The following NRG3 variants were observed in gnomAD, a reference collection of about 807,000 sequenced individuals.
The protein encoded by NRG3 is pro-neuregulin-3, membrane-bound isoform.
A neutral mutation model predicts 66.9 loss-of-function variants in NRG3; 31 were observed. The observed-to-expected ratio is 0.46, with a 90% CI of 0.35 to 0.63. The LOEUF (loss-of-function observed/expected upper bound fraction) is 0.63. Among genes scored for constraint, NRG3 ranks in the 20% least tolerant of loss-of-function variants. The pLI is 0.00. For synonymous variants in NRG3, 393 were observed against 359.4 expected (o/e 1.09, Z -1.06); for missense variants, 910 against 878.9 (o/e 1.04, Z -0.45).
At chr10:82,905,647 C>G (rs1844662928) in intron 4 of NRG3, among the ~76,000 whole-genome samples, 1 of 152,094 alleles carries the variant, frequency 6.6e-6, no homozygotes. Flanking sequence ...TTGGCTTTTA[C>G]TTTCCTTGCT....
rs116180502 is a variant in NRG3 at position 82,714,880 on chromosome 10, A to G, written c.954-23697A>G. Among the ~76,000 whole-genome samples, 1,421 of 152,362 alleles carry G rather than the reference A, an allele frequency of 9.3e-3. 18 individuals are homozygous for G. The highest frequency in any genetic ancestry group is 0.032 in the African/African-American group (1,314 of 41,578). On this transcript the variant is annotated intron_variant, in intron 2 of 8. Coordinates refer to ENST00000372141, the MANE Select transcript of NRG3 (RefSeq NM_001010848.4). ...TTGATTATTAAAAAGAAGGTAGTGA[A>G]AAATCTATTAACTATGTTTTATATT...
At chr10:82,255,085 G>A (rs2077654067) in intron 1 of NRG3, among the ~76,000 whole-genome samples, 1 of 152,184 alleles carries the variant, frequency 6.6e-6, no homozygotes, top group Admixed American at 6.6e-5. Flanking sequence ...AATCATAAGT[G>A]ATGCTGATAT....
At chr10:82,959,116 C>G in intron 6 of NRG3, 41 bp downstream of exon 6, 1 of 1,526,238 alleles carries the variant, frequency 6.6e-7, no homozygotes, top group East Asian at 2.3e-5. Flanking sequence ...TAGCCTACCT[C>G]AGTGCTTCCA....
At chr10:82,734,405 A>G (rs2058058478) in intron 2 of NRG3, among the ~76,000 whole-genome samples, 1 of 152,194 alleles carries the variant, frequency 6.6e-6, no homozygotes, top group African/African-American at 2.4e-5. Context: ...TTTGAAAGCA[A>G]TGCGGAGTAG....
rs117304164 is a variant in NRG3, at chr10:81,886,480, G to A, written c.823+10317G>A. On this transcript the variant is annotated intron_variant, in intron 1 of 8. Transcript: ENST00000372141. ...TTGACAAAGTTGTGAGAAGTTTAAC[G>A]AGAATATATTTATATATCCATAAGA... is the stretch of plus-strand genomic sequence containing the variant. Among the ~76,000 whole-genome samples the A allele has an allele frequency of 8.9e-3, 1,347 of 152,194 alleles. 13 individuals carry two copies. Among genetic ancestry groups the A allele is most frequent in the Non-Finnish European group, 0.013 (915 of 68,012 alleles).
At chr10:81,886,762 C>G (rs1589352661) in intron 1 of NRG3, among the ~76,000 whole-genome samples, 1 of 151,958 alleles carries the variant, frequency 6.6e-6, no homozygotes, top group South Asian at 2.1e-4. Context: ...TTTTGTTGTA[C>G]TAATTTTAAA....
chr10:82,973,871 G>A lies in NRG3; in HGVS notation c.1368G>A (p.Glu456=), dbSNP rs749230519. The A allele has an allele frequency of 3.1e-6, 5 of 1,614,064 alleles. No individual in the cohort carries two copies. The highest frequency in any genetic ancestry group is 1.3e-5 in the African/African-American group (1 of 75,040). The change falls in exon 7 of 9, where the codon GAG becomes GAA. Residue 456 remains glutamate (E), a synonymous_variant. Coordinates refer to ENST00000372141, the MANE Select transcript of NRG3 (RefSeq NM_001010848.4). Reference sequence around the variant, plus strand: ...TTGTCGGCCCCCAGTCATTCCCTGAGGTCCCTTCTCCTGACAGAGGAAGCC... The same window carrying A: ...TTGTCGGCCCCCAGTCATTCCCTGAAGTCCCTTCTCCTGACAGAGGAAGCC... ...SSFVGPQSFP[E]VPSPDRGSQS...
At chr10:82,819,757 G>A (rs563012656) in intron 3 of NRG3, among the ~76,000 whole-genome samples, 11 of 152,244 alleles carry the variant, frequency 7.2e-5, no homozygotes, top group Middle Eastern at 3.4e-3. Context: ...GAAGGAGAAG[G>A]TTATGTAAGA....
chr10:82,443,395 C>T (rs924138663), intron 2 of NRG3, among the ~76,000 whole-genome samples: 4 of 152,180 alleles, frequency 2.6e-5, no homozygotes, highest in African/African-American at 9.7e-5. Context: ...CTTTCAAGCA[C>T]TTCATAGTCC....
chr10:82,837,995 G>T (rs2062864397), intron 3 of NRG3, among the ~76,000 whole-genome samples: 1 of 152,148 alleles, frequency 6.6e-6, no homozygotes, highest in African/African-American at 2.4e-5. Context: ...AGGCTCAATA[G>T]AATGTTATCA....
chr10:82,461,401 G>T (rs555839644), intron 2 of NRG3, among the ~76,000 whole-genome samples: 2 of 152,208 alleles, frequency 1.3e-5, no homozygotes, highest in East Asian at 3.9e-4. Flanking sequence ...TCCACTGTGT[G>T]TCAAGCTTCC....
chr10:82,533,731 T>C (rs532805434), intron 2 of NRG3, among the ~76,000 whole-genome samples: 1 of 152,076 alleles, frequency 6.6e-6, no homozygotes, highest in African/African-American at 2.4e-5. Context: ...AGAGGAGAAG[T>C]CTTAAAAAGA....
chr10:81,899,485 G>C (rs1338293170), intron 1 of NRG3, among the ~76,000 whole-genome samples: 1 of 152,180 alleles, frequency 6.6e-6, no homozygotes, highest in Non-Finnish European at 1.5e-5. Context: ...ATTTCTCTTT[G>C]CCAGTGACTG....
At chr10:82,682,474 T>C (rs552441186) in intron 2 of NRG3, among the ~76,000 whole-genome samples, 1 of 152,174 alleles carries the variant, frequency 6.6e-6, no homozygotes, top group South Asian at 2.1e-4. Flanking sequence ...TTTGTATTTA[T>C]CTGGTGATGG....
intron 1 of NRG3, among the ~76,000 whole-genome samples, chr10:82,049,077 A>G (rs2063461874): frequency 6.6e-6 from 1 of 152,164 alleles, no homozygotes; most frequent in South Asian, 2.1e-4. Flanking sequence ...ATAGACCACT[A>G]TAACAAAATA....
intron 3 of NRG3, among the ~76,000 whole-genome samples, chr10:82,840,789 T>A (rs2063018754): frequency 6.6e-6 from 1 of 152,000 alleles, no homozygotes; most frequent in Non-Finnish European, 1.5e-5. Context: ...TACTTAAAAG[T>A]ACTGTATTCA....
At chr10:82,812,932 C>T (rs2061551033) in intron 3 of NRG3, among the ~76,000 whole-genome samples, 1 of 152,090 alleles carries the variant, frequency 6.6e-6, no homozygotes, top group African/African-American at 2.4e-5. Context: ...CAAAAAGAAA[C>T]ATCTATAAAA....
At chr10:82,575,156 T>C (rs1358432094) in intron 2 of NRG3, among the ~76,000 whole-genome samples, 1 of 151,758 alleles carries the variant, frequency 6.6e-6, no homozygotes, top group Non-Finnish European at 1.5e-5. Flanking sequence ...ATACGTATTT[T>C]ACAATATGTT....
chr10:82,542,735 C>T (rs79841438), intron 2 of NRG3, among the ~76,000 whole-genome samples: 8,319 of 152,230 alleles, frequency 0.055, 521 homozygotes, highest in East Asian at 0.16. Context: ...TGAATATAAT[C>T]CTGTGAACAC....
Sources: gnomAD v4.1 joint callset for allele counts (sites outside exome capture counted in the v4.1 genomes callset) on GRCh38, gnomAD v4.1.1 for gene constraint, MANE v1.5 for transcripts, NCBI Gene and HGNC (gene_info 2026-07-23, HGNC 2026-07-21) for gene names.